ELMO1: variants seen among roughly 807,000 people sequenced by gnomAD.
ELMO1 encodes the protein engulfment and cell motility 1.
In ELMO1, 26 loss-of-function variants were observed where a neutral mutation model predicts 98.9. That is an observed-to-expected ratio of 0.26 (90% CI 0.19 to 0.36). The LOEUF (loss-of-function observed/expected upper bound fraction) is 0.36. ELMO1 is among the 10% of genes least tolerant of loss of function. ELMO1 has a pLI of 1.00. For missense variants in ELMO1, 627 were observed against 935.2 expected (o/e 0.67, Z 4.30); for synonymous variants, 346 against 346.0 (o/e 1.00, Z 0.00).
rs374668928 is a variant in ELMO1 at position 37,304,587 on chromosome 7, G to A, written c.192+10263C>T. Among the ~76,000 whole-genome samples the A allele has an allele frequency of 2.1e-4, 32 of 152,228 alleles. 1 individual carries two copies. The South Asian group carries it at 6.4e-3, about 31-fold the overall frequency. ...AAAAATTAGCTGGGTGTGGTGGCGT[G>A]CGCCTGTAATCCCAGCTACTCAGGA... is the stretch of plus-strand genomic sequence containing the variant. On this transcript the variant is annotated intron_variant, in intron 4 of 21. Transcript: ENST00000310758.
intron 5 of ELMO1, among the ~76,000 whole-genome samples, 184 bp from the exon 6 acceptor site, chr7:37,259,534 G>A (rs1038523861): frequency 4.6e-5 from 7 of 152,190 alleles, no homozygotes; most frequent in South Asian, 2.1e-4. Context: ...CCTTCAGAGC[G>A]AGGTCTGCTC....
At chr7:37,059,714 T>G (rs1483490614) in intron 15 of ELMO1, among the ~76,000 whole-genome samples, 1 of 152,228 alleles carries the variant, frequency 6.6e-6, no homozygotes, top group Admixed American at 6.5e-5. Context: ...CTTTTTTCTT[T>G]ATTATTGTCT....
At chr7:36,955,726 C>T (rs1788388741) in intron 16 of ELMO1, among the ~76,000 whole-genome samples, 1 of 152,168 alleles carries the variant, frequency 6.6e-6, no homozygotes, top group Non-Finnish European at 1.5e-5. Context: ...CCAAAGTCTA[C>T]CCTATTCGTG....
chr7:37,215,566 C>T (rs1032374422), intron 11 of ELMO1, among the ~76,000 whole-genome samples: 1 of 152,238 alleles, frequency 6.6e-6, no homozygotes, highest in African/African-American at 2.4e-5. Context: ...GTTCTCCTGC[C>T]CTAACCACCC....
intron 16 of ELMO1, among the ~76,000 whole-genome samples, chr7:37,006,896 C>T (rs1031719060): frequency 2.0e-5 from 3 of 152,138 alleles, no homozygotes; most frequent in Admixed American, 6.5e-5. Flanking sequence ...GTCACTTTCC[C>T]GGTCTTTCTG....
At chr7:37,001,776 G>A (rs974322803) in intron 16 of ELMO1, among the ~76,000 whole-genome samples, 1 of 152,158 alleles carries the variant, frequency 6.6e-6, no homozygotes, top group African/African-American at 2.4e-5. Flanking sequence ...CCTAGGGTAG[G>A]TGCAGGGTGA....
chr7:37,390,020 C>T (rs772917797), intron 1 of ELMO1, among the ~76,000 whole-genome samples: 1 of 152,124 alleles, frequency 6.6e-6, no homozygotes, highest in Non-Finnish European at 1.5e-5. Context: ...CCTGAGAAGT[C>T]ACCCATGCTC....
At chr7:37,269,086 T>C (rs1435375074) in intron 5 of ELMO1, among the ~76,000 whole-genome samples, 2 of 152,280 alleles carry the variant, frequency 1.3e-5, no homozygotes, top group African/African-American at 2.4e-5. Flanking sequence ...ATAGGTGTTG[T>C]TGTTTTTAAC....
At chr7:36,923,146 T>C (rs1584377632) in intron 16 of ELMO1, among the ~76,000 whole-genome samples, 2 of 152,374 alleles carry the variant, frequency 1.3e-5, no homozygotes, top group African/African-American at 4.8e-5. Context: ...CTCACTGGAC[T>C]GTGAGGTCCT....
intron 1 of ELMO1, among the ~76,000 whole-genome samples, chr7:37,439,661 G>C (rs183435548): frequency 3.0e-4 from 45 of 152,292 alleles, no homozygotes; most frequent in African/African-American, 1.0e-3. Flanking sequence ...CTCAACATCT[G>C]TTTTTAAAAT....
chr7:36,869,236 T>C (rs992918222), intron 20 of ELMO1, among the ~76,000 whole-genome samples: 1 of 145,116 alleles, frequency 6.9e-6, no homozygotes, highest in African/African-American at 2.6e-5. Context: ...AATGCTGTGA[T>C]GGGCTCAACA....
intron 15 of ELMO1, among the ~76,000 whole-genome samples, chr7:37,040,604 C>T (rs1305363525): frequency 3.3e-5 from 5 of 152,152 alleles, no homozygotes; most frequent in African/African-American, 4.8e-5. Context: ...CAAAAACAGC[C>T]GGTCACAAAC....
intron 6 of ELMO1, among the ~76,000 whole-genome samples, chr7:37,248,890 G>C (rs543349902): frequency 8.3e-4 from 127 of 152,352 alleles, no homozygotes; most frequent in African/African-American, 3.0e-3. Flanking sequence ...GGTTAACAAA[G>C]TTTCAAAACA....
chr7:37,069,537 T>C (rs1797160866), intron 15 of ELMO1, among the ~76,000 whole-genome samples: 1 of 152,276 alleles, frequency 6.6e-6, no homozygotes, highest in African/African-American at 2.4e-5. Context: ...AATTCTCAAA[T>C]TGTGCCTCAC....
intron 15 of ELMO1, among the ~76,000 whole-genome samples, chr7:37,021,429 G>A (rs1794259960): frequency 6.6e-6 from 1 of 151,882 alleles, no homozygotes; most frequent in African/African-American, 2.4e-5. Context: ...CCTTTTTTGA[G>A]GACATGGAGA....
At chr7:37,163,102 G>A (rs1351134963) in intron 13 of ELMO1, among the ~76,000 whole-genome samples, 1 of 152,150 alleles carries the variant, frequency 6.6e-6, no homozygotes, top group Non-Finnish European at 1.5e-5. Context: ...AAAGAAAGGA[G>A]AATACAGCTA....
chr7:37,012,886 G>A (rs1206369041), intron 16 of ELMO1, among the ~76,000 whole-genome samples: 3 of 152,194 alleles, frequency 2.0e-5, no homozygotes, highest in African/African-American at 7.2e-5. Context: ...CGGACTAGGT[G>A]GAGCAGTATT....
intron 17 of ELMO1, among the ~76,000 whole-genome samples, chr7:36,890,244 G>A (rs763531304): frequency 1.8e-4 from 28 of 152,182 alleles, no homozygotes; most frequent in Non-Finnish European, 3.7e-4. Flanking sequence ...AAGAGTGTGT[G>A]AAGAGCAATT....
intron 16 of ELMO1, among the ~76,000 whole-genome samples, chr7:36,917,417 T>A (rs768850584): frequency 6.6e-6 from 1 of 152,162 alleles, no homozygotes; most frequent in Non-Finnish European, 1.5e-5. Flanking sequence ...TATTATAACC[T>A]CTGAAACTGA....
Sources: gnomAD v4.1 joint callset for allele counts (sites outside exome capture counted in the v4.1 genomes callset) on GRCh38, gnomAD v4.1.1 for gene constraint, MANE v1.5 for transcripts, NCBI Gene and HGNC (gene_info 2026-07-23, HGNC 2026-07-21) for gene names.